The following JAK2 variants were observed in gnomAD, a reference collection of about 807,000 sequenced individuals.
JAK2 encodes the protein Janus kinase 2, also known as tyrosine-protein kinase JAK2.
Under a neutral mutation model 139.3 loss-of-function variants are expected in JAK2, and 86 were observed. The ratio of observed to expected loss-of-function variants is 0.62; its 90% CI spans 0.52 to 0.74. The LOEUF (loss-of-function observed/expected upper bound fraction) is 0.74, where lower values mean the gene tolerates loss of function less well. Ranked by LOEUF, JAK2 falls within the 30% of genes least tolerant of loss-of-function variation. The probability of loss-of-function intolerance (pLI) is 0.00; values close to 1 mark genes in which losing one functional copy is unlikely to be tolerated. For synonymous variants in JAK2, 490 were observed against 437.7 expected (o/e 1.12, Z -1.49); for missense variants, 1,421 against 1,360.3 (o/e 1.04, Z -0.70).
chr9:5,002,677 C>G (rs1182724220), intron 2 of JAK2, among the ~76,000 whole-genome samples: 1 of 151,826 alleles, frequency 6.6e-6, no homozygotes, highest in Non-Finnish European at 1.5e-5. Flanking sequence ...ATTATTTTTA[C>G]TGATTAAAAA....
At chr9:5,064,167 C>CA (rs1200924375) in intron 8 of JAK2, among the ~76,000 whole-genome samples, 2 of 150,890 alleles carry the variant, frequency 1.3e-5, no homozygotes, top group Non-Finnish European at 3.0e-5. Context: ...GCGGGGGCCA[C>CA]AAAAAAATCA....
chr9:5,062,896 G>A (rs1475868510), intron 8 of JAK2, among the ~76,000 whole-genome samples: 1 of 151,942 alleles, frequency 6.6e-6, no homozygotes, highest in South Asian at 2.1e-4. Flanking sequence ...CATGTCCTTT[G>A]ACTAGTTTTC....
chr9:5,092,042 A>G (rs1586775551), intron 22 of JAK2, among the ~76,000 whole-genome samples: 1 of 152,122 alleles, frequency 6.6e-6, no homozygotes, highest in African/African-American at 2.4e-5. Flanking sequence ...ATTATCATTA[A>G]TAACAATCAG....
chr9:5,022,765 C>G (rs1822512329), intron 3 of JAK2, among the ~76,000 whole-genome samples: 1 of 152,118 alleles, frequency 6.6e-6, no homozygotes, highest in Non-Finnish European at 1.5e-5. Flanking sequence ...TTCTATAGAG[C>G]TAACACATTT....
chr9:5,116,040 C>T (rs1823137185), intron 22 of JAK2, among the ~76,000 whole-genome samples: 1 of 151,606 alleles, frequency 6.6e-6, no homozygotes, highest in Non-Finnish European at 1.5e-5. Flanking sequence ...ACATGTATCC[C>T]AAAACTTAAA....
intron 22 of JAK2, chr9:5,099,788 T>A (rs1381103008): frequency 3.9e-5 from 6 of 152,216 alleles, no homozygotes; most frequent in South Asian, 4.1e-4. Flanking sequence ...CTAATTATCT[T>A]CACTGCCTCA....
chr9:5,026,205 A>G (rs1822773271), intron 3 of JAK2, among the ~76,000 whole-genome samples: 2 of 152,140 alleles, frequency 1.3e-5, no homozygotes, highest in Admixed American at 1.3e-4. Flanking sequence ...TAAAGCTACA[A>G]TTTTTCCTCT....
intron 2 of JAK2, among the ~76,000 whole-genome samples, chr9:4,991,909 T>A (rs1413323291): frequency 1.3e-5 from 2 of 152,214 alleles, no homozygotes; most frequent in African/African-American, 4.8e-5. Flanking sequence ...AATTCTTCCC[T>A]CTACTGGATT....
chr9:5,021,037 C>T (rs554916767), intron 2 of JAK2, among the ~76,000 whole-genome samples: 1 of 152,264 alleles, frequency 6.6e-6, no homozygotes. Context: ...TGAAAGTTGA[C>T]GGGCTCTCTT....
intron 2 of JAK2, among the ~76,000 whole-genome samples, chr9:4,992,716 T>A (rs1820329481): frequency 6.6e-6 from 1 of 152,184 alleles, no homozygotes; most frequent in Non-Finnish European, 1.5e-5. Flanking sequence ...TGAGGACCCA[T>A]GAAGAGACAG....
chr9:5,103,475 GACTTTAAC>G (rs1821694426), intron 22 of JAK2, among the ~76,000 whole-genome samples: 1 of 151,970 alleles, frequency 6.6e-6, no homozygotes. Context: ...AATAATGGGA[GACTTTAAC>G]ACCTCTCTGT....
At chr9:5,080,104 A>C (rs1475088642) in intron 16 of JAK2, 125 bp from the exon 17 acceptor site, 3 of 722,760 alleles carry the variant, frequency 4.2e-6, no homozygotes, top group African/African-American at 1.8e-5. Flanking sequence ...TGCACATCCA[A>C]CCCCTCCAAA....
intron 3 of JAK2, among the ~76,000 whole-genome samples, chr9:5,025,025 C>G (rs115767837): frequency 0.011 from 1,645 of 152,202 alleles, 29 homozygotes; most frequent in African/African-American, 0.038. Flanking sequence ...TGCTGCACAA[C>G]TTTCCTGCCA....
chr9:5,095,946 A>G (rs1214606756), intron 22 of JAK2, among the ~76,000 whole-genome samples: 1 of 152,144 alleles, frequency 6.6e-6, no homozygotes, highest in African/African-American at 2.4e-5. Flanking sequence ...CATGATTAAC[A>G]CCTATAGTTT....
intron 22 of JAK2, among the ~76,000 whole-genome samples, chr9:5,104,177 AAAG>A (rs1821763535): frequency 6.6e-6 from 1 of 152,184 alleles, no homozygotes; most frequent in South Asian, 2.1e-4. Context: ...CAAGACTAAT[AAAG>A]AAGAAAAGAG....
At chr9:5,034,935 C>G (rs917456248) in intron 4 of JAK2, among the ~76,000 whole-genome samples, 4 of 152,232 alleles carry the variant, frequency 2.6e-5, no homozygotes, top group Middle Eastern at 3.4e-3. Flanking sequence ...TCAAAAAAAT[C>G]AATGAATGCT....
chr9:5,103,403 G>A (rs943208514), intron 22 of JAK2, among the ~76,000 whole-genome samples: 2 of 151,838 alleles, frequency 1.3e-5, no homozygotes, highest in Non-Finnish European at 2.9e-5. Flanking sequence ...CAATACAGCA[G>A]CACCAAGATT....
At chr9:4,990,859 G>C (rs781518424) in intron 2 of JAK2, among the ~76,000 whole-genome samples, 1 of 152,176 alleles carries the variant, frequency 6.6e-6, no homozygotes, top group Non-Finnish European at 1.5e-5. Context: ...ACAGTTGGGT[G>C]ATCAGTGGAG....
intron 9 of JAK2, among the ~76,000 whole-genome samples, chr9:5,065,958 T>G (rs2130500439): frequency 6.6e-6 from 1 of 152,316 alleles, no homozygotes; most frequent in Non-Finnish European, 1.5e-5. Flanking sequence ...TACTTGAACT[T>G]TATGTCTGTA....
Sources: gnomAD v4.1 joint callset for allele counts (sites outside exome capture counted in the v4.1 genomes callset) on GRCh38, gnomAD v4.1.1 for gene constraint, MANE v1.5 for transcripts, NCBI Gene and HGNC (gene_info 2026-07-23, HGNC 2026-07-21) for gene names.